The following PLCD4 variants were observed in gnomAD, a reference collection of about 807,000 sequenced individuals.
PLCD4 encodes the protein phospholipase C delta 4.
PLCD4 carries 63 observed loss-of-function variants against 90.2 expected under a neutral mutation model. That is an observed-to-expected ratio of 0.70 (90% CI 0.57 to 0.86). The LOEUF (loss-of-function observed/expected upper bound fraction) is 0.86, where lower values mean the gene tolerates loss of function less well. PLCD4 is among the 40% of genes least tolerant of loss of function. The probability of loss-of-function intolerance (pLI) is 0.00; values close to 1 mark genes in which losing one functional copy is unlikely to be tolerated. For synonymous variants in PLCD4, 294 were observed against 356.5 expected (o/e 0.82, Z 1.97); for missense variants, 830 against 956.3 (o/e 0.87, Z 1.74).
At chr2:218,612,466 T>C (rs1274979993) in intron 1 of PLCD4, among the ~76,000 whole-genome samples, 2 of 152,204 alleles carry the variant, frequency 1.3e-5, no homozygotes, top group African/African-American at 4.8e-5. Context: ...ACCTATACAT[T>C]ACTACCCATT....
chr2:218,630,563 T>C (rs1011883504), intron 8 of PLCD4, 87 bp from the exon 9 acceptor site: 2 of 1,487,840 alleles, frequency 1.3e-6, no homozygotes, highest in African/African-American at 2.8e-5. Flanking sequence ...AGTGAGTAAG[T>C]AGGGAGGCCT....
intron 8 of PLCD4, 78 bp downstream of exon 8, chr2:218,629,741 G>T: frequency 1.3e-6 from 2 of 1,508,610 alleles, no homozygotes; most frequent in Non-Finnish European, 1.8e-6. Context: ...TCTGGGGAGG[G>T]TGGAGGAGTA....
chr2:218,614,677 C>T (rs1011229368), intron 1 of PLCD4, among the ~76,000 whole-genome samples: 1 of 148,902 alleles, frequency 6.7e-6, no homozygotes, highest in African/African-American at 2.5e-5. Flanking sequence ...TCTCAAACTC[C>T]TGACCTCTGG....
Position 218,636,223 on chromosome 2 carries a change from C to G in PLCD4, c.2033-20C>G. Reference sequence around the variant, plus strand: ...AAACTGTCATAATGTCTTCTTATTTCTTTCTGTCCACCAACTCAGGTTTTA... The same window carrying G: ...AAACTGTCATAATGTCTTCTTATTTGTTTCTGTCCACCAACTCAGGTTTTA... On this transcript the variant is annotated intron_variant, in intron 14 of 15. Transcript: ENST00000450993. The G allele has an allele frequency of 1.2e-6, 2 of 1,609,690 alleles. No homozygotes were observed. Among genetic ancestry groups the G allele is most frequent in the Non-Finnish European group, 1.7e-6 (2 of 1,176,052 alleles).
chr2:218,623,516 C>T (rs1040351963), intron 6 of PLCD4, among the ~76,000 whole-genome samples: 1 of 152,190 alleles, frequency 6.6e-6, no homozygotes, highest in Non-Finnish European at 1.5e-5. Flanking sequence ...CCATTCCCTT[C>T]GGAGTGTGAG....
intron 5 of PLCD4, 143 bp downstream of exon 5, chr2:218,621,742 A>G (rs1267501454): frequency 2.1e-5 from 23 of 1,107,060 alleles, no homozygotes; most frequent in Non-Finnish European, 2.9e-5. Context: ...CCTAGGCTCA[A>G]TGGGAAGTAT....
rs1559278247 is a variant in PLCD4 at position 218,634,542 on chromosome 2, TG to T, written c.1809del (p.Lys604SerfsTer27). On this transcript the variant is annotated frameshift_variant, in exon 13 of 16. Transcript: ENST00000450993. LOFTEE classifies it high-confidence loss of function. This position sits in a 1 kb window ranked among gnomAD's most constrained non-coding sequence, Gnocchi z 4.0. ...CAGAATGGCGGCTGTGGCTATGTGCTGAAGCCAGACTTCCTGCGTGATATCC... is the reference window on the plus strand; with the variant it reads ...CAGAATGGCGGCTGTGGCTATGTGCTAAGCCAGACTTCCTGCGTGATATCC... Reference protein sequence around the residue: ...FRQNGGCGYVLKPDFLRDIQS... With the variant: ...FRQNGGCGYVXKPDFLRDIQS... 6.2e-7 allele frequency: 1 copy of T among 1,614,078 alleles called. No homozygotes were observed. The highest frequency in any genetic ancestry group is 8.5e-7 in the Non-Finnish European group (1 of 1,179,900).
At chr2:218,628,445 T>C in intron 7 of PLCD4, 1 of 513,548 alleles carries the variant, frequency 1.9e-6, no homozygotes, top group Non-Finnish European at 3.5e-6. Flanking sequence ...TCACAAGCTA[T>C]GAAACTCTCC....
rs754508827 is a variant in PLCD4 at position 218,615,771 on chromosome 2, G to A, written c.22+10G>A. 92 of 1,604,632 alleles carry A rather than the reference G, an allele frequency of 5.7e-5. No individual in the cohort carries two copies. The African/African-American group carries it at 6.6e-4, about 11-fold the overall frequency. On this transcript the variant is annotated intron_variant, in intron 2 of 15. Transcript: ENST00000450993. ...TCCCTGCTGCAAGACCGTGAGTGCC[G>A]GGGCCCCTGCAGGGGAAGAGGCCTT...
chr2:218,636,162 T>C, intron 14 of PLCD4, 81 bp from the exon 15 acceptor site: 1 of 1,484,616 alleles, frequency 6.7e-7, no homozygotes, highest in Non-Finnish European at 9.3e-7. Context: ...GCCATCTAGA[T>C]TAAATGAGAA....
chr2:218,614,402 C>G (rs548796013), intron 1 of PLCD4, among the ~76,000 whole-genome samples: 1 of 151,588 alleles, frequency 6.6e-6, no homozygotes, highest in Non-Finnish European at 1.5e-5. Context: ...CCACCCACCT[C>G]GGCCTCCCAA....
intron 10 of PLCD4, 162 bp from the exon 11 acceptor site, chr2:218,633,443 C>T (rs1221320278): frequency 3.6e-6 from 3 of 834,260 alleles, no homozygotes; most frequent in Admixed American, 4.0e-5. Flanking sequence ...GGCCCAGGCT[C>T]CTATTTCCAA....
intron 6 of PLCD4, among the ~76,000 whole-genome samples, chr2:218,625,142 A>C (rs1696060903): frequency 6.7e-6 from 1 of 148,726 alleles, no homozygotes; most frequent in Non-Finnish European, 1.5e-5. Context: ...AGAAAGAAAG[A>C]AAGAAAAAAG....
At chr2:218,620,893 C>CAAAAAA (rs34369545) in intron 4 of PLCD4, among the ~76,000 whole-genome samples, 2 of 61,890 alleles carry the variant, frequency 3.2e-5, no homozygotes, top group Non-Finnish European at 5.6e-5. Context: ...GACTCTGTCT[C>CAAAAAA]AAAAAAAAAA....
intron 6 of PLCD4, among the ~76,000 whole-genome samples, chr2:218,623,349 T>C (rs1200736275): frequency 6.6e-6 from 1 of 152,202 alleles, no homozygotes; most frequent in Non-Finnish European, 1.5e-5. Context: ...GTGGCTCTCT[T>C]GAGTCTCTAA....
intron 6 of PLCD4, among the ~76,000 whole-genome samples, chr2:218,626,580 G>A (rs1260857305): frequency 6.6e-6 from 1 of 152,214 alleles, no homozygotes; most frequent in Non-Finnish European, 1.5e-5. Flanking sequence ...TGAGTGAGAT[G>A]CTGCGTGGAA....
intron 1 of PLCD4, among the ~76,000 whole-genome samples, chr2:218,614,483 TGTGTCGCC>T (rs1695491730): frequency 6.6e-6 from 1 of 151,698 alleles, no homozygotes; most frequent in African/African-American, 2.4e-5. Context: ...AGAGTCTCGC[TGTGTCGCC>T]CAGGCTGGAG....
At chr2:218,623,355 T>C (rs1245111351) in intron 6 of PLCD4, among the ~76,000 whole-genome samples, 1 of 152,200 alleles carries the variant, frequency 6.6e-6, no homozygotes, top group Non-Finnish European at 1.5e-5. Flanking sequence ...CTCTTGAGTC[T>C]CTAAGCCCCT....
chr2:218,635,882 C>G lies in PLCD4; in HGVS notation c.1983C>G (p.Gly661=). ...VDPLVKVQIF[G]VRLDTARQET... ...CACTGGTGAAAGTGCAGATCTTTGG[C>G]GTTCGTCTAGACACAGCACGGCAGG... The change falls in exon 14 of 16, where the codon GGC becomes GGG. Residue 661 remains glycine, a synonymous_variant. Transcript: ENST00000450993. 1 of 1,613,910 alleles carries G rather than the reference C, an allele frequency of 6.2e-7. No homozygotes were observed. The highest frequency in any genetic ancestry group is 8.5e-7 in the Non-Finnish European group (1 of 1,179,886).
Sources: gnomAD v4.1 joint callset for allele counts (sites outside exome capture counted in the v4.1 genomes callset) on GRCh38, gnomAD v4.1.1 for gene constraint, Gnocchi (gnomAD v3.1) non-coding constraint, MANE v1.5 for transcripts, NCBI Gene and HGNC (gene_info 2026-07-23, HGNC 2026-07-21) for gene names.